Variants in OR4E2 observed in about 807,000 individuals in gnomAD.
OR4E2 encodes olfactory receptor 4E2.
OR4E2 carries 9 observed loss-of-function variants against 11.0 expected under a neutral mutation model. That is an observed-to-expected ratio of 0.82 (90% CI 0.49 to 1.43). The LOEUF is 1.43. OR4E2 is among the 40% of genes most tolerant of loss of function. The probability of loss-of-function intolerance (pLI) is 0.00; values close to 1 mark genes in which losing one functional copy is unlikely to be tolerated. For missense variants in OR4E2, 441 were observed against 382.0 expected, an observed-to-expected ratio of 1.15 and a Z score of -1.29; for synonymous variants, 159 against 147.3, an observed-to-expected ratio of 1.08 and a Z score of -0.57.
intron 3 of OR4E2, among the ~76,000 whole-genome samples, chr14:21,663,200 C>T (rs184485521): frequency 1.1e-3 from 167 of 152,240 alleles, no homozygotes; most frequent in African/African-American, 3.8e-3. Flanking sequence ...AAATTTTAGT[C>T]TGGGCGCGGT....
At chr14:21,654,402 GCACA>G (rs1289943118) in intron 1 of OR4E2, among the ~76,000 whole-genome samples, 1 of 118,696 alleles carries the variant, frequency 8.4e-6, no homozygotes, top group African/African-American at 2.9e-5. Context: ...ACACACGCAT[GCACA>G]CACACACATG....
Position 21,666,310 on chromosome 14 carries a change from G to A in OR4E2, c.*286G>A, listed in dbSNP as rs768307267. ...CATCAGTAAAAGAATACAATTTGGG[G>A]AACTCAGTTCAGTCTCAGTTTCAGG... On this transcript the variant is annotated 3_prime_UTR_variant, in exon 4 of 4. Coordinates refer to ENST00000641524, the MANE Select transcript of OR4E2 (RefSeq NM_001001912.3). The A allele has an allele frequency of 8.0e-5, 25 of 313,220 alleles. No homozygotes were observed. The highest frequency in any genetic ancestry group is 1.2e-4 in the Non-Finnish European group (21 of 169,694). 19.4% of individuals were successfully genotyped at this position (313,220 alleles called of 1,614,324 possible). A position where few individuals can be genotyped will look rare whatever the true frequency, so the allele number is the denominator to read the frequency against.
At chr14:21,658,039 A>G (rs945984614) in intron 2 of OR4E2, among the ~76,000 whole-genome samples, 5 of 152,154 alleles carry the variant, frequency 3.3e-5, no homozygotes, top group Non-Finnish European at 5.9e-5. Context: ...GTCTCCTCAT[A>G]TACAGAGAAG....
chr14:21,659,680 A>G (rs1407730782), intron 2 of OR4E2, among the ~76,000 whole-genome samples: 1 of 152,240 alleles, frequency 6.6e-6, no homozygotes, highest in African/African-American at 2.4e-5. Context: ...ATCTATTCCT[A>G]ACGGAATAAT....
chr14:21,654,301 A>G lies in OR4E2; in HGVS notation c.-191+362A>G, dbSNP rs532837334. The stretch of plus-strand genomic sequence containing the variant: ...AGTCCCATCTTGATGATCATTGCAA[A>G]GAAGGTAATTATATTAGTCAGAGTT... On this transcript the variant is annotated intron_variant, in intron 1 of 3. Transcript: ENST00000641524. Among the ~76,000 whole-genome samples the G allele has an allele frequency of 1.7e-3, 265 of 152,156 alleles. 1 individual carries two copies. The highest frequency in any genetic ancestry group is 5.7e-3 in the Admixed American group (87 of 15,270).
Position 21,665,323 on chromosome 14 carries a change from A to G in OR4E2, c.241A>G (p.Met81Val). 6.2e-7 allele frequency: 1 copy of G among 1,614,058 alleles called. No homozygotes were observed. Among genetic ancestry groups the G allele is most frequent in the Non-Finnish European group, 8.5e-7 (1 of 1,180,000 alleles). The change falls in exon 4 of 4, where the codon ATG (methionine) becomes GTG (valine). Residue 81 changes from methionine to valine, a missense_variant. Physicochemically the swap from Met to Val is conservative, Grantham distance 21. Transcript: ENST00000641524. Reference sequence around the variant, plus strand: ...CCACTCATCTGTCACTGTGCCTAAGATGTTGGAGGGTTTGCTTTTAGAAAG... The same window carrying G: ...CCACTCATCTGTCACTGTGCCTAAGGTGTTGGAGGGTTTGCTTTTAGAAAG... Reference protein sequence around the residue: ...ICHSSVTVPKMLEGLLLERKT... With the variant: ...ICHSSVTVPKVLEGLLLERKT...
intron 2 of OR4E2, among the ~76,000 whole-genome samples, chr14:21,658,871 G>A (rs1011082160): frequency 1.3e-5 from 2 of 151,942 alleles, no homozygotes; most frequent in Admixed American, 6.5e-5. Context: ...CTGATGTCTA[G>A]TGGGGATTCT....
chr14:21,662,115 GAAGT>G (rs1281886576), intron 3 of OR4E2, among the ~76,000 whole-genome samples: 2 of 139,960 alleles, frequency 1.4e-5, no homozygotes, highest in Non-Finnish European at 3.1e-5. Context: ...TTTGTCATTT[GAAGT>G]TCTTTTTCTG....
intron 2 of OR4E2, among the ~76,000 whole-genome samples, chr14:21,657,433 T>TTTC (rs2139799094): frequency 8.9e-6 from 1 of 112,890 alleles, no homozygotes; most frequent in African/African-American, 3.5e-5. Flanking sequence ...TCTTTCTTTC[T>TTTC]TCTTTCTTTC....
At chr14:21,657,442 TCCTTCCTTC>T (rs1880046909) in intron 2 of OR4E2, among the ~76,000 whole-genome samples, 4 of 3,972 alleles carry the variant, frequency 1.0e-3, no homozygotes, top group Admixed American at 3.6e-3. Context: ...CTTCTTTCTT[TCCTTCCTTC>T]CTTCCTTCCT....
chr14:21,656,918 A>G (rs1421257679), intron 2 of OR4E2, among the ~76,000 whole-genome samples: 1 of 152,138 alleles, frequency 6.6e-6, no homozygotes, highest in Non-Finnish European at 1.5e-5. Flanking sequence ...CACAGCACTG[A>G]TTTCTTTTTC....
intron 2 of OR4E2, among the ~76,000 whole-genome samples, chr14:21,658,840 C>T (rs371307911): frequency 6.6e-5 from 10 of 151,536 alleles, no homozygotes; most frequent in Admixed American, 2.0e-4. Context: ...TTCTAATATA[C>T]GCAGTATACA....
rs1202740180 is a variant in OR4E2 at position 21,665,486 on chromosome 14, T to G, written c.404T>G (p.Val135Gly). 6.2e-7 allele frequency: 1 copy of G among 1,614,160 alleles called. No individual in the cohort carries two copies. Among genetic ancestry groups the G allele is most frequent in the South Asian group, 1.1e-5 (1 of 91,080 alleles). ...AICTPLHYPN[V>G]MNMRVCIQLV... ...TGCACTCCACTCCACTACCCCAATG[T>G]GATGAACATGAGAGTCTGTATACAG... is the stretch of plus-strand genomic sequence containing the variant. Residue 135 changes from valine (V) to glycine (G), a missense_variant, in exon 4 of 4, where the codon GTG becomes GGG. Coordinates refer to ENST00000641524, the MANE Select transcript of OR4E2 (RefSeq NM_001001912.3).
At chr14:21,657,517 TTTTC>T (rs71115514) in intron 2 of OR4E2, among the ~76,000 whole-genome samples, 58,807 of 119,744 alleles carry the variant, frequency 0.49, 15,437 homozygotes, top group South Asian at 0.68. Flanking sequence ...CTTTCTTTGT[TTTTC>T]TTTCTTTCTT....
In OR4E2 at chr14:21,665,955, T is replaced by C; in HGVS notation, c.873T>C (p.Asn291=). ...ATCCCTTCATTTACACCTTGAGGAA[T>C]GAGGAGGTAAAAAGTGCCATGAAGC... is the stretch of plus-strand genomic sequence containing the variant. ...LLNPFIYTLR[N]EEVKSAMKQL... The change falls in exon 4 of 4, where the codon AAT becomes AAC. Residue 291 remains asparagine (N), a synonymous_variant. Transcript: ENST00000641524. 1.9e-6 allele frequency: 3 copies of C among 1,614,018 alleles called. No individual in the cohort carries two copies. Among genetic ancestry groups the C allele is most frequent in the Non-Finnish European group, 2.5e-6 (3 of 1,179,998 alleles).
Position 21,665,544 on chromosome 14 carries a change from T to C in OR4E2, c.462T>C (p.Val154=), listed in dbSNP as rs1490528045. ...TTGCTCTCTGGTTGGGGGGTACTGT[T>C]CACTCACTAGGGCAGACCTTCTTGA... ...LVFALWLGGT[V]HSLGQTFLTI... is the part of the protein sequence containing the mutation. The change falls in exon 4 of 4, where the codon GTT becomes GTC. Residue 154 remains valine, a synonymous_variant. Transcript: ENST00000641524. 5.1e-5 allele frequency: 83 copies of C among 1,614,030 alleles called. No homozygotes were observed. Among genetic ancestry groups the C allele is most frequent in the Non-Finnish European group, 6.4e-5 (75 of 1,180,018 alleles).
rs1348878511 is a variant in OR4E2, at chr14:21,665,744, T to A, written c.662T>A (p.Ile221Asn). 3 of 1,614,038 alleles carry A rather than the reference T, an allele frequency of 1.9e-6. No homozygotes were observed. Among genetic ancestry groups the A allele is most frequent in the Non-Finnish European group, 2.5e-6 (3 of 1,180,024 alleles). ...GCCGTGGTCACCTCCTATATGGTCA[T>A]CCTGGTTTCTCTTCGAAAACACTCA... is the stretch of plus-strand genomic sequence containing the variant. ...FLAVVTSYMV[I>N]LVSLRKHSAE... The change falls in exon 4 of 4, where the codon ATC becomes AAC. Residue 221 changes from isoleucine (I) to asparagine (N), a missense_variant. Transcript: ENST00000641524.
intron 2 of OR4E2, among the ~76,000 whole-genome samples, chr14:21,657,066 T>C (rs752205644): frequency 6.6e-6 from 1 of 152,222 alleles, no homozygotes; most frequent in Non-Finnish European, 1.5e-5. Context: ...AATTATAGGA[T>C]GAATGTTGAA....
intron 1 of OR4E2, among the ~76,000 whole-genome samples, chr14:21,655,931 T>C (rs970490102): frequency 6.6e-6 from 1 of 150,940 alleles, no homozygotes; most frequent in African/African-American, 2.4e-5. Context: ...AAAGGAAAAA[T>C]GTAAAATTTG....
Sources: gnomAD v4.1 joint callset for allele counts (sites outside exome capture counted in the v4.1 genomes callset) on GRCh38, gnomAD v4.1.1 for gene constraint, MANE v1.5 for transcripts, NCBI Gene and HGNC (gene_info 2026-07-23, HGNC 2026-07-21) for gene names.